Variants in CLEC9A observed in about 807,000 individuals in gnomAD.
CLEC9A encodes C-type lectin domain containing 9A, also known as C-type lectin domain family 9 member A.
CLEC9A carries 24 observed loss-of-function variants against 30.0 expected under a neutral mutation model. That is an observed-to-expected ratio of 0.80 (90% CI 0.58 to 1.13). The LOEUF is 1.13. Among genes scored for constraint, CLEC9A ranks in the 50% most tolerant of loss-of-function variants. The probability of loss-of-function intolerance (pLI) is 0.00; values close to 1 mark genes in which losing one functional copy is unlikely to be tolerated. For synonymous variants in CLEC9A, 111 were observed against 96.8 expected (o/e 1.15, Z -0.86); for missense variants, 251 against 280.9 (o/e 0.89, Z 0.76).
chr12:10,057,350 T>A (rs1017238777), intron 5 of CLEC9A, among the ~76,000 whole-genome samples: 24 of 151,836 alleles, frequency 1.6e-4, no homozygotes, highest in African/African-American at 5.8e-4. Context: ...ACATATATAT[T>A]TTTTAAATAG....
chr12:10,065,170 C>G (rs1188665983), intron 8 of CLEC9A, among the ~76,000 whole-genome samples: 2 of 152,054 alleles, frequency 1.3e-5, no homozygotes, highest in African/African-American at 4.8e-5. Flanking sequence ...CCACATTAAG[C>G]TTTTCAGATG....
chr12:10,065,613 C>T lies in CLEC9A; in HGVS notation c.707C>T (p.Ala236Val), dbSNP rs770068161. Residue 236 changes from alanine (A) to valine (V), a missense_variant, in exon 9 of 9, where the codon GCG becomes GTG. By Grantham distance (64) the Ala-to-Val change is moderately conservative. Transcript: ENST00000355819. ...TWKYFICEKY[A>V]LRSSV ...AAGTATTTTATCTGTGAGAAGTATG[C>T]GTTGAGATCCTCTGTCTGAAAGAAA... The T allele has an allele frequency of 1.1e-5, 17 of 1,613,492 alleles. No individual in the cohort carries two copies. The highest frequency in any genetic ancestry group is 2.2e-5 in the East Asian group (1 of 44,868).
chr12:10,043,158 C>A, intron 2 of CLEC9A: 1 of 370,590 alleles, frequency 2.7e-6, no homozygotes, highest in Non-Finnish European at 5.3e-6. Context: ...GTCTTTATGT[C>A]ATTATCAACA....
intron 7 of CLEC9A, among the ~76,000 whole-genome samples, chr12:10,063,486 T>G (rs923821488): frequency 2.6e-5 from 4 of 152,210 alleles, no homozygotes; most frequent in Admixed American, 2.6e-4. Flanking sequence ...AATACTATTT[T>G]GTAGCATGAT....
At chr12:10,057,279 C>G (rs1865951514) in intron 5 of CLEC9A, among the ~76,000 whole-genome samples, 1 of 151,740 alleles carries the variant, frequency 6.6e-6, no homozygotes, top group African/African-American at 2.4e-5. Context: ...AATGTTACAT[C>G]CAATTTTCTT....
At chr12:10,053,106 T>C (rs1865910274) in intron 4 of CLEC9A, among the ~76,000 whole-genome samples, 1 of 152,172 alleles carries the variant, frequency 6.6e-6, no homozygotes, top group African/African-American at 2.4e-5. Context: ...ATCTGATAAA[T>C]ACTAAGAAAT....
chr12:10,044,438 ATCT>A (rs1865827534), intron 2 of CLEC9A, among the ~76,000 whole-genome samples: 1 of 152,208 alleles, frequency 6.6e-6, no homozygotes, highest in East Asian at 1.9e-4. Flanking sequence ...CATGGGCTTT[ATCT>A]CCTATTACTT....
At chr12:10,038,819 T>G (rs977544161) in intron 1 of CLEC9A, among the ~76,000 whole-genome samples, 1 of 150,116 alleles carries the variant, frequency 6.7e-6, no homozygotes, top group Admixed American at 6.7e-5. Context: ...ATTAAAGTAG[T>G]TATAGGATGG....
chr12:10,048,969 C>T (rs1256553862), intron 2 of CLEC9A, among the ~76,000 whole-genome samples: 1 of 152,092 alleles, frequency 6.6e-6, no homozygotes, highest in Non-Finnish European at 1.5e-5. Context: ...CAGTGATAGC[C>T]TTATGAAATT....
At chr12:10,062,413 A>G (rs1401418137) in intron 6 of CLEC9A, among the ~76,000 whole-genome samples, 1 of 152,098 alleles carries the variant, frequency 6.6e-6, no homozygotes, top group Non-Finnish European at 1.5e-5. Context: ...TTCTTTTGTG[A>G]CTATATTCCA....
chr12:10,049,244 G>A (rs1865873378), intron 2 of CLEC9A, among the ~76,000 whole-genome samples: 1 of 152,078 alleles, frequency 6.6e-6, no homozygotes, highest in Non-Finnish European at 1.5e-5. Context: ...TCCAGACTTT[G>A]TTGTTTTACT....
chr12:10,061,322 C>T (rs1367850272), intron 6 of CLEC9A, 49 bp downstream of exon 6: 4 of 1,476,160 alleles, frequency 2.7e-6, no homozygotes, highest in African/African-American at 1.4e-5. Context: ...ATATATACAC[C>T]AATACCTCAA....
At chr12:10,055,240 A>G (rs911497278) in intron 5 of CLEC9A, among the ~76,000 whole-genome samples, 3 of 152,314 alleles carry the variant, frequency 2.0e-5, no homozygotes, top group African/African-American at 7.2e-5. Context: ...CTTTTTCTCT[A>G]TCTACTCTCT....
At chr12:10,052,893 A>C in intron 4 of CLEC9A, 115 bp downstream of exon 4, 2 of 1,165,186 alleles carry the variant, frequency 1.7e-6, no homozygotes, top group Non-Finnish European at 2.3e-6. Flanking sequence ...ACCTAAGGGT[A>C]CTGTAATGTC....
intron 1 of CLEC9A, among the ~76,000 whole-genome samples, chr12:10,036,852 C>T (rs112309235): frequency 6.3e-4 from 96 of 152,280 alleles, no homozygotes; most frequent in African/African-American, 2.2e-3. Context: ...ACTTCTCTTC[C>T]CATGATCAAA....
chr12:10,059,195 G>A (rs771135096), intron 5 of CLEC9A, among the ~76,000 whole-genome samples: 1 of 152,056 alleles, frequency 6.6e-6, no homozygotes, highest in Non-Finnish European at 1.5e-5. Flanking sequence ...TTAAAGCTAG[G>A]TGTATTAGTC....
At chr12:10,063,680 T>C (rs1367641461) in intron 7 of CLEC9A, among the ~76,000 whole-genome samples, 1 of 152,230 alleles carries the variant, frequency 6.6e-6, no homozygotes, top group Non-Finnish European at 1.5e-5. Flanking sequence ...ATCTGCTAAA[T>C]GAAATGTTTA....
In CLEC9A at chr12:10,032,680, C is replaced by A. The variant is rs549844222; in HGVS notation, c.-318+1708C>A. 2.7e-3 allele frequency among the ~76,000 whole-genome samples: 418 copies of A among 152,152 alleles called. 2 individuals carry two copies. The highest frequency in any genetic ancestry group is 9.9e-3 in the African/African-American group (411 of 41,510). On this transcript the variant is annotated intron_variant, in intron 1 of 8. Transcript: ENST00000355819. ...AGCTGGGATTACAGGTGTGAGCCACCGCGCCCGGCCAATAGGGATTTCAAG... is the reference window on the plus strand; with the variant it reads ...AGCTGGGATTACAGGTGTGAGCCACAGCGCCCGGCCAATAGGGATTTCAAG...
chr12:10,048,239 C>CAAAA (rs34010283), intron 2 of CLEC9A, among the ~76,000 whole-genome samples: 1 of 130,758 alleles, frequency 7.6e-6, no homozygotes, highest in African/African-American at 2.9e-5. Flanking sequence ...GACTCCGTCT[C>CAAAA]AAAAAAAAAA....
Sources: allele counts gnomAD v4.1 joint callset (sites outside exome capture counted in the v4.1 genomes callset), GRCh38; gene constraint gnomAD v4.1.1; transcripts MANE v1.5; gene names NCBI Gene and HGNC (gene_info 2026-07-23, HGNC 2026-07-21).